PPFIA1: variants seen among roughly 807,000 people sequenced by gnomAD.
PPFIA1 encodes the protein PPFI scaffold protein A1, also known as liprin-alpha-1.
Under a neutral mutation model 149.9 loss-of-function variants are expected in PPFIA1, and 25 were observed. The ratio of observed to expected loss-of-function variants is 0.17; its 90% CI spans 0.12 to 0.23. The LOEUF (loss-of-function observed/expected upper bound fraction) is 0.23. PPFIA1 is among the 10% of genes least tolerant of loss of function. The pLI, the probability that PPFIA1 is intolerant of heterozygous loss-of-function variation, is 1.00. For missense variants in PPFIA1, 1,362 were observed against 1,506.5 expected, an observed-to-expected ratio of 0.90 and a Z score of 1.59; for synonymous variants, 549 against 552.8, an observed-to-expected ratio of 0.99 and a Z score of 0.10.
intron 15 of PPFIA1, 136 bp downstream of exon 15, chr11:70,344,028 G>A: frequency 1.1e-6 from 1 of 874,606 alleles, no homozygotes; most frequent in Non-Finnish European, 1.7e-6. Flanking sequence ...CTTAACTTCT[G>A]TTTTAAGAAT....
intron 14 of PPFIA1, among the ~76,000 whole-genome samples, chr11:70,340,752 A>G (rs1316048318): frequency 6.6e-6 from 1 of 151,922 alleles, no homozygotes; most frequent in Admixed American, 6.6e-5. Context: ...ACAAATTACT[A>G]CGGAGCTCAG....
intron 12 of PPFIA1, among the ~76,000 whole-genome samples, chr11:70,338,147 G>C (rs897872716): frequency 2.6e-5 from 4 of 152,226 alleles, no homozygotes; most frequent in African/African-American, 9.6e-5. Context: ...CTATGACTAA[G>C]ACACAGCTTT....
Position 70,335,574 on chromosome 11 carries a change from A to C in PPFIA1, c.1308A>C (p.Arg436Ser). Residue 436 changes from arginine (R) to serine (S), a missense_variant, in exon 11 of 28, where the codon AGA becomes AGC. Arg to Ser is a moderately radical substitution (Grantham distance 110). Coordinates refer to ENST00000253925, the MANE Select transcript of PPFIA1 (RefSeq NM_003626.5). The part of the protein sequence containing the change: ...KNQELQRARQ[R>S]EKMNEEHNKR... ...TTCTCCTGCTTTAGGCAAGGCAAAG[A>C]GAAAAAATGAACGAAGAACATAATA... 1 of 1,613,888 alleles carries C rather than the reference A, an allele frequency of 6.2e-7. No individual in the cohort carries two copies. The highest frequency in any genetic ancestry group is 8.5e-7 in the Non-Finnish European group (1 of 1,179,916).
intron 10 of PPFIA1, among the ~76,000 whole-genome samples, chr11:70,335,057 A>G (rs2054887460): frequency 6.6e-6 from 1 of 152,238 alleles, no homozygotes; most frequent in South Asian, 2.1e-4. Context: ...GTAAATTTCC[A>G]TTACGAGAAA....
chr11:70,326,884 AT>A (rs561039538), intron 7 of PPFIA1, 66 bp downstream of exon 7: 7 of 1,340,794 alleles, frequency 5.2e-6, no homozygotes, highest in Non-Finnish European at 5.3e-6. Flanking sequence ...TAGTTAAATG[AT>A]TTTTTTTCTC....
chr11:70,371,619 A>G lies in PPFIA1; in HGVS notation c.2866-596A>G, dbSNP rs979567680. 5.9e-3 allele frequency: 3 copies of G among 512 alleles called. No homozygotes were observed. The African/African-American group carries it at 0.065, about 11-fold the overall frequency. 0.0% of individuals were successfully genotyped at this position (512 alleles called of 1,614,324 possible). A position where few individuals can be genotyped will look rare whatever the true frequency, so the allele number is the denominator to read the frequency against. On this transcript the variant is annotated intron_variant, in intron 21 of 27. Transcript: ENST00000253925. ...AGGGTTGTTAGTTTAGGTTTTCTAT[A>G]TTCTTAATTTTTTTCTTTTTTTGCT...
At chr11:70,332,893 C>T (rs1398267481) in intron 9 of PPFIA1, 3 of 396,454 alleles carry the variant, frequency 7.6e-6, no homozygotes, top group Non-Finnish European at 1.6e-5. Context: ...AGGGCTCACA[C>T]ACCTGTTCCT....
chr11:70,313,928 G>A (rs925434862), intron 2 of PPFIA1, among the ~76,000 whole-genome samples: 6 of 152,192 alleles, frequency 3.9e-5, no homozygotes, highest in Admixed American at 2.6e-4. Flanking sequence ...TGAGGCAGGA[G>A]AATCACCTGA....
At chr11:70,319,736 C>G (rs1264190583) in intron 2 of PPFIA1, among the ~76,000 whole-genome samples, 3 of 152,218 alleles carry the variant, frequency 2.0e-5, no homozygotes, top group Non-Finnish European at 4.4e-5. Flanking sequence ...CTGTTGTTCT[C>G]TGAATGGCTG....
Position 70,356,260 on chromosome 11 carries a change from C to A in PPFIA1, c.2582+6C>A, listed in dbSNP as rs753245901. On this transcript the variant is annotated splice_donor_region_variant and intron_variant, in intron 19 of 27. Transcript: ENST00000253925. ...AATCGTAAACTTCAAAAAAAGTAAG[C>A]TTTGTGTTATTTCTTCATCTCATTG... is the stretch of plus-strand genomic sequence containing the variant. 4.4e-6 allele frequency: 7 copies of A among 1,608,926 alleles called. No individual in the cohort carries two copies. The highest frequency in any genetic ancestry group is 6.0e-6 in the Non-Finnish European group (7 of 1,175,990).
chr11:70,380,084 A>AATATT (rs1352456728), intron 26 of PPFIA1, among the ~76,000 whole-genome samples: 1 of 152,184 alleles, frequency 6.6e-6, no homozygotes. Context: ...TGTTAACAGG[A>AATATT]ATATTAAGAA....
intron 15 of PPFIA1, among the ~76,000 whole-genome samples, chr11:70,344,787 A>G (rs2055583738): frequency 3.3e-5 from 5 of 152,328 alleles, no homozygotes; most frequent in South Asian, 2.1e-4. Flanking sequence ...GAGGACACAA[A>G]CAGTCGACAG....
intron 2 of PPFIA1, among the ~76,000 whole-genome samples, chr11:70,311,333 G>C (rs1435422158): frequency 1.3e-5 from 2 of 151,798 alleles, no homozygotes; most frequent in African/African-American, 2.4e-5. Flanking sequence ...GATAAAGGCA[G>C]GTGCAGGGTA....
chr11:70,340,637 C>T (rs1405295642), intron 14 of PPFIA1, among the ~76,000 whole-genome samples: 1 of 152,060 alleles, frequency 6.6e-6, no homozygotes, highest in East Asian at 1.9e-4. Flanking sequence ...AGTCCTAGGC[C>T]TGCAGCAGTG....
In PPFIA1 at chr11:70,278,219, T is replaced by A. The variant is rs564707372; in HGVS notation, c.264+5783T>A. Among the ~76,000 whole-genome samples the A allele has an allele frequency of 7.2e-5, 11 of 152,092 alleles. No individual in the cohort carries two copies. In the East Asian group the frequency reaches 1.7e-3, roughly 24 times the overall value. ...CCACCATGCCTGGCCTTTTTTTTTTTAAATGTGATGTTTCACCATGTTTGC... is the reference window on the plus strand; with the variant it reads ...CCACCATGCCTGGCCTTTTTTTTTTAAAATGTGATGTTTCACCATGTTTGC... On this transcript the variant is annotated intron_variant, in intron 2 of 27. Transcript: ENST00000253925.
chr11:70,371,283 T>C (rs1463094034), intron 21 of PPFIA1: 1 of 63,280 alleles, frequency 1.6e-5, no homozygotes, highest in Non-Finnish European at 3.4e-5. Flanking sequence ...TGTTGAGATT[T>C]GTCTGTCTTT....
chr11:70,271,610 G>C (rs937665782), intron 1 of PPFIA1, among the ~76,000 whole-genome samples: 2 of 152,086 alleles, frequency 1.3e-5, no homozygotes, highest in East Asian at 3.9e-4. Flanking sequence ...AACGAATCCG[G>C]TTCCTTTTAG....
chr11:70,270,757 C>T lies in PPFIA1; in HGVS notation c.-158C>T, dbSNP rs552476277. On this transcript the variant is annotated 5_prime_UTR_variant, in exon 1 of 28. Transcript: ENST00000253925. ...CGCCAGTGTCCGGCCGCGGGCCGGC[C>T]TTAGTGACTGGGGCGGCGGGCCCCG... 4.0e-5 allele frequency: 6 copies of T among 150,314 alleles called. No individual in the cohort carries two copies. Among genetic ancestry groups the T allele is most frequent in the Admixed American group, 4.0e-4 (6 of 15,102 alleles). The allele number at this position is 150,314 out of a possible 1,614,324, so 9.3% of individuals were successfully genotyped here. A position where few individuals can be genotyped will look rare whatever the true frequency, so the allele number is the denominator to read the frequency against.
rs569903330 is a variant in PPFIA1 at position 70,323,781 on chromosome 11, T to C, written c.265-621T>C. Among the ~76,000 whole-genome samples the C allele has an allele frequency of 5.3e-5, 8 of 152,298 alleles. No individual in the cohort carries two copies. The East Asian group carries it at 1.4e-3, about 26-fold the overall frequency. Reference sequence around the variant, plus strand: ...CTTGTGCTGTCATGCTAGAAGTTGATTACCCACAGTAGGGATTCTTGCAGA... The same window carrying C: ...CTTGTGCTGTCATGCTAGAAGTTGACTACCCACAGTAGGGATTCTTGCAGA... On this transcript the variant is annotated intron_variant, in intron 2 of 27. Coordinates refer to ENST00000253925, the MANE Select transcript of PPFIA1 (RefSeq NM_003626.5).
Sources: allele counts gnomAD v4.1 joint callset (sites outside exome capture counted in the v4.1 genomes callset), GRCh38; gene constraint gnomAD v4.1.1; transcripts MANE v1.5; gene names NCBI Gene and HGNC (gene_info 2026-07-23, HGNC 2026-07-21).